The following ARHGEF17 variants were observed in gnomAD, a reference collection of about 807,000 sequenced individuals.
ARHGEF17 encodes the protein Rho guanine nucleotide exchange factor 17.
In ARHGEF17, 80 loss-of-function variants were observed where a neutral mutation model predicts 174.0. The observed-to-expected ratio is 0.46, with a 90% confidence interval of 0.38 to 0.55. ARHGEF17 has a LOEUF of 0.55. ARHGEF17 is among the 20% of genes least tolerant of loss of function. ARHGEF17 has a pLI of 0.00. For synonymous variants in ARHGEF17, 1,311 were observed against 1,189.1 expected (o/e 1.10, Z -2.11); for missense variants, 2,886 against 2,839.7 (o/e 1.02, Z -0.37).
At chr11:73,343,114 C>T in intron 1 of ARHGEF17, 1 of 354,010 alleles carries the variant, frequency 2.8e-6, no homozygotes, top group Non-Finnish European at 5.0e-6. Flanking sequence ...GCCACCCCGG[C>T]GCCCCCGCCC....
chr11:73,311,885 G>A lies in ARHGEF17; in HGVS notation c.3192+55G>A, dbSNP rs1328604963. On this transcript the variant is annotated intron_variant, in intron 1 of 20. Transcript: ENST00000263674. ...GGGCCAAAGAAGGGCCATGGGCACC[G>A]ACTTCGGTTGGAGCCTTTTGCATTG... is the stretch of plus-strand genomic sequence containing the variant. The A allele has an allele frequency of 3.3e-6, 5 of 1,525,952 alleles. No individual in the cohort carries two copies. The South Asian group carries it at 5.1e-5, about 16-fold the overall frequency. 94.5% of individuals were successfully genotyped at this position (1,525,952 alleles called of 1,614,324 possible).
chr11:73,355,708 G>A, intron 4 of ARHGEF17, 59 bp downstream of exon 4: 7 of 1,568,440 alleles, frequency 4.5e-6, no homozygotes, highest in Non-Finnish European at 6.1e-6. Flanking sequence ...AGCTTTGAGG[G>A]CCCCAGGAGC....
chr11:73,311,073 G>T lies in ARHGEF17; in HGVS notation c.2435G>T (p.Arg812Leu). Residue 812 changes from arginine to leucine, a missense_variant, in exon 1 of 21, where the codon CGT becomes CTT. Coordinates refer to ENST00000263674, the MANE Select transcript of ARHGEF17 (RefSeq NM_014786.4). ...GTTCAGGGGCCTGGCACCCTGGGGC[G>T]TGTGGTGGACGACAGGATTGCTGGC... ...SIVQGPGTLG[R>L]VVDDRIAGKA... The T allele has an allele frequency of 6.2e-7, 1 of 1,612,438 alleles. No homozygotes were observed. Among genetic ancestry groups the T allele is most frequent in the Non-Finnish European group, 8.5e-7 (1 of 1,178,664 alleles).
rs1865626770 is a variant in ARHGEF17, at chr11:73,355,734, C to T, written c.3570+85C>T. The T allele has an allele frequency of 2.6e-6, 4 of 1,558,096 alleles. No homozygotes were observed. In the East Asian group the frequency reaches 9.0e-5, roughly 35 times the overall value. On this transcript the variant is annotated intron_variant, in intron 4 of 20. Transcript: ENST00000263674. ...CCCCAGGAGCTCCCAGCGTGGGTACCATAGTCCCAGCCAGTGGGCCAGCCT... is the reference window on the plus strand; with the variant it reads ...CCCCAGGAGCTCCCAGCGTGGGTACTATAGTCCCAGCCAGTGGGCCAGCCT...
chr11:73,313,880 G>T (rs1352722606), intron 1 of ARHGEF17, among the ~76,000 whole-genome samples: 1 of 152,210 alleles, frequency 6.6e-6, no homozygotes, highest in Non-Finnish European at 1.5e-5. Flanking sequence ...AATGGGTGGT[G>T]TGATCATTTC....
intron 1 of ARHGEF17, among the ~76,000 whole-genome samples, chr11:73,321,289 C>T (rs145935303): frequency 6.6e-6 from 1 of 152,312 alleles, no homozygotes; most frequent in East Asian, 1.9e-4. Context: ...TTGTTACCAC[C>T]AGCCCCACCC....
At chr11:73,336,203 C>T (rs552041807) in intron 1 of ARHGEF17, among the ~76,000 whole-genome samples, 4 of 152,320 alleles carry the variant, frequency 2.6e-5, no homozygotes, top group African/African-American at 9.6e-5. Context: ...ACTTCATAAC[C>T]TCAGGCAAGT....
chr11:73,360,608 T>G (rs771635687), intron 11 of ARHGEF17, 75 bp downstream of exon 11: 48 of 1,540,498 alleles, frequency 3.1e-5, no homozygotes, highest in Non-Finnish European at 4.1e-5. Context: ...CACAGCTGTC[T>G]GTGACTTCAG....
chr11:73,317,141 A>G (rs993583356), intron 1 of ARHGEF17, among the ~76,000 whole-genome samples: 10 of 152,094 alleles, frequency 6.6e-5, no homozygotes, highest in African/African-American at 1.9e-4. Context: ...GCAGACCCAC[A>G]TTGGCTTGGC....
chr11:73,310,736 C>T lies in ARHGEF17; in HGVS notation c.2098C>T (p.Pro700Ser), dbSNP rs774644446. 4.3e-6 allele frequency: 7 copies of T among 1,611,468 alleles called. No homozygotes were observed. Among genetic ancestry groups the T allele is most frequent in the South Asian group, 3.3e-5 (3 of 91,046 alleles). ...GGWALVSPETPPTPGALRRRR... is the reference protein window; with the variant it reads ...GGWALVSPETSPTPGALRRRR... ...GTGGGCCCTGGTGTCGCCTGAGACC[C>T]CTCCCACACCAGGTGCCCTCCGCCG... Residue 700 changes from proline to serine, a missense_variant, in exon 1 of 21, where the codon CCT becomes TCT. Coordinates refer to ENST00000263674, the MANE Select transcript of ARHGEF17 (RefSeq NM_014786.4).
chr11:73,363,689 G>T lies in ARHGEF17; in HGVS notation c.5247-58G>T. On this transcript the variant is annotated intron_variant, in intron 15 of 20. Coordinates refer to ENST00000263674, the MANE Select transcript of ARHGEF17 (RefSeq NM_014786.4). The stretch of plus-strand genomic sequence containing the variant: ...GCTAGGGGCAAAGAGGTGGAGGGAT[G>T]ACTCCAGGGGCTGGTGTGCCCCAAG... 3 of 1,596,432 alleles carry T rather than the reference G, an allele frequency of 1.9e-6. No homozygotes were observed. The South Asian group carries it at 3.3e-5, about 18-fold the overall frequency.
At chr11:73,344,261 C>A (rs778480920) in intron 1 of ARHGEF17, among the ~76,000 whole-genome samples, 1 of 152,246 alleles carries the variant, frequency 6.6e-6, no homozygotes, top group Non-Finnish European at 1.5e-5. Flanking sequence ...CCCCCGCAAC[C>A]CCCGCACACT....
In ARHGEF17 at chr11:73,362,425, T is replaced by C. The variant is rs1371960855; in HGVS notation, c.4695-8T>C. 6.5e-7 allele frequency: 1 copy of C among 1,541,812 alleles called. No individual in the cohort carries two copies. The highest frequency in any genetic ancestry group is 1.9e-5 in the Admixed American group (1 of 53,688). On this transcript the variant is annotated splice_region_variant and splice_polypyrimidine_tract_variant and intron_variant, in intron 13 of 20. Coordinates refer to ENST00000263674, the MANE Select transcript of ARHGEF17 (RefSeq NM_014786.4). ...AGCTGCTGTCATCCTCACTCCGTCT[T>C]CTCGCAGGGAGCCTCCTCCGTCGCT...
rs762129959 is a variant in ARHGEF17, at chr11:73,360,543, G to A, written c.4420+10G>A. 2 of 1,613,522 alleles carry A rather than the reference G, an allele frequency of 1.2e-6. No homozygotes were observed. The highest frequency in any genetic ancestry group is 1.7e-6 in the Non-Finnish European group (2 of 1,179,938). ...GCCAAGAGGAAGCTGGGTAAGCCAA[G>A]GCACATGTTGGCCCTCTCCTCCTAG... On this transcript the variant is annotated intron_variant, in intron 11 of 20. Transcript: ENST00000263674.
At chr11:73,315,000 C>A (rs902542613) in intron 1 of ARHGEF17, among the ~76,000 whole-genome samples, 1 of 152,352 alleles carries the variant, frequency 6.6e-6, no homozygotes, top group South Asian at 2.1e-4. Flanking sequence ...GTAACAATGA[C>A]GAACATTTAT....
chr11:73,310,086 C>T lies in ARHGEF17; in HGVS notation c.1448C>T (p.Ser483Leu), dbSNP rs1442338225. 16 of 1,614,070 alleles carry T rather than the reference C, an allele frequency of 9.9e-6. No individual in the cohort carries two copies. The highest frequency in any genetic ancestry group is 2.2e-5 in the East Asian group (1 of 44,898). Residue 483 changes from serine to leucine, a missense_variant, in exon 1 of 21, where the codon TCA (serine) becomes TTA (leucine). Coordinates refer to ENST00000263674, the MANE Select transcript of ARHGEF17 (RefSeq NM_014786.4). Reference protein sequence around the residue: ...TLLSFLRSDLSELRVRKPGGS... With the variant: ...TLLSFLRSDLLELRVRKPGGS... ...CTCAGTTTCCTGCGCTCAGACCTTT[C>T]AGAGCTGAGGGTCCGAAAACCTGGT... is the stretch of plus-strand genomic sequence containing the variant.
chr11:73,325,869 G>A (rs1386076897), intron 1 of ARHGEF17, among the ~76,000 whole-genome samples: 4 of 152,252 alleles, frequency 2.6e-5, no homozygotes, highest in South Asian at 2.1e-4. Flanking sequence ...TTCCTGCCTG[G>A]GAGCAGACCT....
At chr11:73,362,283 G>T (rs1865754850) in intron 13 of ARHGEF17, 44 bp downstream of exon 13, 1 of 1,470,056 alleles carries the variant, frequency 6.8e-7, no homozygotes, top group South Asian at 1.4e-5. Flanking sequence ...GGGCCTGGGA[G>T]AACCAACCCC....
chr11:73,353,371 A>G (rs3933402), intron 3 of ARHGEF17: 25,626 of 272,678 alleles, frequency 0.094, 5,868 homozygotes, highest in African/African-American at 0.5. Flanking sequence ...ACTGACCTCC[A>G]CCCTATCTTT....
Sources: allele counts gnomAD v4.1 joint callset (sites outside exome capture counted in the v4.1 genomes callset), GRCh38; gene constraint gnomAD v4.1.1; transcripts MANE v1.5; gene names NCBI Gene and HGNC (gene_info 2026-07-23, HGNC 2026-07-21).